The following OGDH variants were observed in gnomAD, a reference collection of about 807,000 sequenced individuals.
OGDH encodes the protein oxoglutarate dehydrogenase, also known as 2-oxoglutarate dehydrogenase complex component E1.
A neutral mutation model predicts 116.6 loss-of-function variants in OGDH; 38 were observed. That is an observed-to-expected ratio of 0.33 (90% CI 0.25 to 0.43). The LOEUF (loss-of-function observed/expected upper bound fraction) is 0.43, where lower values mean the gene tolerates loss of function less well. Ranked by LOEUF, OGDH falls within the 20% of genes least tolerant of loss-of-function variation. OGDH has a pLI of 1.00. For missense variants in OGDH, 825 were observed against 1,357.2 expected, an observed-to-expected ratio of 0.61 and a Z score of 6.16; for synonymous variants, 488 against 533.3, an observed-to-expected ratio of 0.92 and a Z score of 1.17.
At chr7:44,611,451 T>C (rs1784563173) in intron 1 of OGDH, among the ~76,000 whole-genome samples, 1 of 151,618 alleles carries the variant, frequency 6.6e-6, no homozygotes, top group Admixed American at 6.6e-5. Context: ...TTTTTTTGTA[T>C]TTTTTAGTAG....
intron 2 of OGDH, among the ~76,000 whole-genome samples, chr7:44,627,472 A>G (rs1046580483): frequency 6.6e-5 from 10 of 152,234 alleles, no homozygotes; most frequent in Non-Finnish European, 1.0e-4. Context: ...TAATAAAATT[A>G]GAAGTGCTGT....
At position 44,650,531 on chromosome 7, in the gene OGDH, A is replaced by G. The variant is rs1585287773; in HGVS notation, c.517+2772A>G. 2.0e-5 allele frequency among the ~76,000 whole-genome samples: 3 copies of G among 152,216 alleles called. No homozygotes were observed. The South Asian group carries it at 6.2e-4, about 32-fold the overall frequency. On this transcript the variant is annotated intron_variant, in intron 4 of 22. Transcript: ENST00000222673. Reference sequence around the variant, plus strand: ...GTGCCTTGACCTTAACTATGCTCCAAGTGGGCTTACTAGCAATCTTTTGAG... The same window carrying G: ...GTGCCTTGACCTTAACTATGCTCCAGGTGGGCTTACTAGCAATCTTTTGAG...
intron 10 of OGDH, among the ~76,000 whole-genome samples, chr7:44,693,570 G>A (rs1210092511): frequency 1.3e-5 from 2 of 152,158 alleles, no homozygotes; most frequent in East Asian, 3.8e-4. Flanking sequence ...TTACCCCATA[G>A]CCTGTGGAAT....
At chr7:44,652,116 T>G (rs886993608) in intron 4 of OGDH, among the ~76,000 whole-genome samples, 1 of 151,826 alleles carries the variant, frequency 6.6e-6, no homozygotes, top group Admixed American at 6.6e-5. Flanking sequence ...GAGATAAGTT[T>G]TTTTTTTTTG....
chr7:44,614,808 T>A (rs1324724931), intron 1 of OGDH, among the ~76,000 whole-genome samples: 1 of 151,824 alleles, frequency 6.6e-6, no homozygotes, highest in Non-Finnish European at 1.5e-5. Flanking sequence ...CTTTTTTTGT[T>A]TGAAATTATC....
chr7:44,679,364 A>T (rs1787832485), intron 9 of OGDH, among the ~76,000 whole-genome samples: 1 of 152,230 alleles, frequency 6.6e-6, no homozygotes, highest in Admixed American at 6.5e-5. Context: ...GGGGCCCCGT[A>T]AGCAAACCAG....
At chr7:44,626,289 T>TCA (rs374123965) in intron 2 of OGDH, among the ~76,000 whole-genome samples, 1 of 137,036 alleles carries the variant, frequency 7.3e-6, no homozygotes, top group African/African-American at 2.6e-5. Flanking sequence ...GTGGCAGATT[T>TCA]CACACACACA....
Position 44,694,327 on chromosome 7 carries a change from T to C in OGDH, c.1516-97T>C. 7.0e-7 allele frequency: 1 copy of C among 1,437,814 alleles called. No homozygotes were observed. The highest frequency in any genetic ancestry group is 1.3e-5 in the South Asian group (1 of 77,984). The allele number at this position is 1,437,814 out of a possible 1,614,324, so 89.1% of individuals were successfully genotyped here. ...GGGCAGGCATGAGGAATGAAGAACG[T>C]GGCCATCACCTAGGAGAGATGGGGC... On this transcript the variant is annotated intron_variant, in intron 11 of 22. Transcript: ENST00000222673. This position sits in a 1 kb window ranked among gnomAD's most constrained non-coding sequence, Gnocchi z 4.2.
At chr7:44,703,710 C>T (rs924237524) in intron 20 of OGDH, among the ~76,000 whole-genome samples, 3 of 151,130 alleles carry the variant, frequency 2.0e-5, no homozygotes, top group Non-Finnish European at 2.9e-5. Flanking sequence ...ACAGAGACTC[C>T]GTCTCAAAAA....
At chr7:44,645,204 G>T in intron 2 of OGDH, 123 bp from the exon 3 acceptor site, 1 of 841,024 alleles carries the variant, frequency 1.2e-6, no homozygotes, top group Non-Finnish European at 1.9e-6. Context: ...TGTCCAGGAG[G>T]AAGCAGGCTC....
At chr7:44,693,590 CTTAAT>C (rs1235392387) in intron 10 of OGDH, among the ~76,000 whole-genome samples, 1 of 152,128 alleles carries the variant, frequency 6.6e-6, no homozygotes, top group South Asian at 2.1e-4. Flanking sequence ...TTATAGGTAA[CTTAAT>C]TTAACTTTTC....
chr7:44,697,427 G>T lies in OGDH; in HGVS notation c.2109G>T (p.Met703Ile). The T allele has an allele frequency of 6.2e-7, 1 of 1,614,190 alleles. No individual in the cohort carries two copies. Reference sequence around the variant, plus strand: ...TGGACAAGAGAACCTGCATCCCCATGAACCATCTCTGGCCCAATCAGGCCC... The same window carrying T: ...TGGACAAGAGAACCTGCATCCCCATTAACCATCTCTGGCCCAATCAGGCCC... ...QNVDKRTCIP[M>I]NHLWPNQAPY... The change falls in exon 16 of 23, where the codon ATG (methionine) becomes ATT (isoleucine). Residue 703 changes from methionine (M) to isoleucine (I), a missense_variant. Around this residue, in one of 7 missense-constraint regions of OGDH, gnomAD observed 73 missense variants for 182.3 expected, o/e 0.40. Coordinates refer to ENST00000222673, the MANE Select transcript of OGDH (RefSeq NM_002541.4). The surrounding 1 kb of genome is among the most constrained non-coding windows in gnomAD (Gnocchi z 6.0).
chr7:44,687,951 TA>T (rs1275636404), intron 10 of OGDH, among the ~76,000 whole-genome samples: 4 of 152,200 alleles, frequency 2.6e-5, no homozygotes, highest in Non-Finnish European at 5.9e-5. Context: ...AAGCAACCAC[TA>T]ATCTACTTTC....
Position 44,707,625 on chromosome 7 carries a change from A to G in OGDH, c.2840A>G (p.Lys947Arg). ...GACCTCCTGCTGAAGGAGGTGCAGAAGTACCCCAATGCTGAGCTGGCCTGG... is the reference window on the plus strand; with the variant it reads ...GACCTCCTGCTGAAGGAGGTGCAGAGGTACCCCAATGCTGAGCTGGCCTGG... ...PFDLLLKEVQ[K>R]YPNAELAWCQ... is the part of the protein sequence containing the mutation. Residue 947 changes from lysine (K) to arginine (R), a missense_variant, in exon 22 of 23, where the codon AAG (lysine) becomes AGG (arginine). Around this residue, in one of 7 missense-constraint regions of OGDH, gnomAD observed 212 missense variants for 284.3 expected, o/e 0.75. Transcript: ENST00000222673. The surrounding 1 kb of genome is among the most constrained non-coding windows in gnomAD (Gnocchi z 5.2). 6.2e-7 allele frequency: 1 copy of G among 1,614,194 alleles called. No homozygotes were observed.
rs2268316 is a variant in OGDH at position 44,668,255 on chromosome 7, C to A, written c.633+1404C>A. On this transcript the variant is annotated intron_variant, in intron 5 of 22. Transcript: ENST00000222673. ...AGTTCAAGACCAGCCTGGCCAAGATCGTGAAACGCCATCTCTATTAAAAAT... is the reference window on the plus strand; with the variant it reads ...AGTTCAAGACCAGCCTGGCCAAGATAGTGAAACGCCATCTCTATTAAAAAT... Among the ~76,000 whole-genome samples the A allele has an allele frequency of 2.0e-5, 3 of 151,960 alleles. No homozygotes were observed. The East Asian group carries it at 5.8e-4, about 30-fold the overall frequency.
At chr7:44,619,913 A>T (rs1441570977) in intron 1 of OGDH, among the ~76,000 whole-genome samples, 1 of 152,106 alleles carries the variant, frequency 6.6e-6, no homozygotes, top group Non-Finnish European at 1.5e-5. Flanking sequence ...TTGCATTATG[A>T]GAGTTCTTTA....
At chr7:44,639,573 G>C (rs1283136199) in intron 2 of OGDH, among the ~76,000 whole-genome samples, 1 of 152,204 alleles carries the variant, frequency 6.6e-6, no homozygotes, top group Non-Finnish European at 1.5e-5. Context: ...AGTGTTTAGT[G>C]CAGTAGGTTT....
At chr7:44,645,025 C>G (rs143641175) in intron 2 of OGDH, among the ~76,000 whole-genome samples, 294 of 152,312 alleles carry the variant, frequency 1.9e-3, no homozygotes, top group African/African-American at 6.8e-3. Flanking sequence ...CTGAGGAGAG[C>G]TGTTGGCATT....
chr7:44,674,665 G>A, intron 7 of OGDH, 108 bp downstream of exon 7: 1 of 1,249,718 alleles, frequency 8.0e-7, no homozygotes, highest in Non-Finnish European at 1.1e-6. Context: ...TTGAGTGCCA[G>A]TTGTGAGTCT....
Sources: gnomAD v4.1 joint callset for allele counts (sites outside exome capture counted in the v4.1 genomes callset) on GRCh38, gnomAD v4.1.1 for gene constraint, gnomAD v4.1.1 regional missense constraint, Gnocchi (gnomAD v3.1) non-coding constraint, MANE v1.5 for transcripts, NCBI Gene and HGNC (gene_info 2026-07-23, HGNC 2026-07-21) for gene names.